The following PCDHA7 variants were observed in gnomAD, a reference collection of about 807,000 sequenced individuals.
PCDHA7 encodes the protein protocadherin alpha-7.
A neutral mutation model predicts 57.2 loss-of-function variants in PCDHA7; 37 were observed. That is an observed-to-expected ratio of 0.65 (90% CI 0.50 to 0.85). The LOEUF (loss-of-function observed/expected upper bound fraction) is 0.85, where lower values mean the gene tolerates loss of function less well. PCDHA7 is among the 40% of genes least tolerant of loss of function. PCDHA7 has a pLI of 0.00. For synonymous variants in PCDHA7, 553 were observed against 558.8 expected (o/e 0.99, Z 0.15); for missense variants, 1,188 against 1,241.8 (o/e 0.96, Z 0.65).
chr5:140,892,952 AT>A (rs1327610333), intron 1 of PCDHA7, among the ~76,000 whole-genome samples: 1 of 152,154 alleles, frequency 6.6e-6, no homozygotes, highest in African/African-American at 2.4e-5. Context: ...TACTACTTCC[AT>A]GAGCTCAATA....
chr5:140,864,851 A>G (rs1554159167), intron 1 of PCDHA7: 1 of 152,190 alleles, frequency 6.6e-6, no homozygotes, highest in Non-Finnish European at 1.5e-5. Context: ...CTTCCCATAC[A>G]TGATGAAGGG....
At chr5:140,968,189 T>C (rs181004208) in intron 1 of PCDHA7, 2 of 1,614,034 alleles carry the variant, frequency 1.2e-6, no homozygotes, top group Middle Eastern at 1.6e-4. Flanking sequence ...GGACTCCTAT[T>C]CCATCTACAT....
intron 1 of PCDHA7, among the ~76,000 whole-genome samples, chr5:140,946,079 G>A (rs2093884371): frequency 6.6e-6 from 1 of 151,926 alleles, no homozygotes; most frequent in African/African-American, 2.4e-5. Context: ...GCAAACCACA[G>A]ATCTGATAAG....
chr5:140,914,458 A>T (rs1294717004), intron 1 of PCDHA7, among the ~76,000 whole-genome samples: 2 of 152,004 alleles, frequency 1.3e-5, no homozygotes, highest in African/African-American at 4.8e-5. Flanking sequence ...TTTCCAGTCT[A>T]TGTGTATCTT....
intron 1 of PCDHA7, among the ~76,000 whole-genome samples, chr5:140,903,060 T>C (rs1412957275): frequency 6.6e-6 from 1 of 152,316 alleles, no homozygotes; most frequent in East Asian, 1.9e-4. Flanking sequence ...TGACTTCTTT[T>C]CCTTTGGGTA....
chr5:140,925,048 C>A (rs574148178), intron 1 of PCDHA7, among the ~76,000 whole-genome samples: 1 of 150,658 alleles, frequency 6.6e-6, no homozygotes, highest in South Asian at 2.1e-4. Flanking sequence ...AAGTTTGAGA[C>A]CAGACTGGGC....
chr5:140,849,881 G>T, intron 1 of PCDHA7: 1 of 1,598,596 alleles, frequency 6.3e-7, no homozygotes, highest in Non-Finnish European at 8.6e-7. Flanking sequence ...AGTACACGGT[G>T]TTCGTGAAGG....
chr5:140,945,829 A>G (rs1472344558), intron 1 of PCDHA7, among the ~76,000 whole-genome samples: 1 of 152,180 alleles, frequency 6.6e-6, no homozygotes, highest in Non-Finnish European at 1.5e-5. Flanking sequence ...ACAAAAGTCA[A>G]CTCAAAATGG....
At chr5:140,978,572 A>T (rs1322135580) in intron 1 of PCDHA7, among the ~76,000 whole-genome samples, 2 of 152,234 alleles carry the variant, frequency 1.3e-5, no homozygotes, top group Non-Finnish European at 2.9e-5. Flanking sequence ...GTAATACTGA[A>T]TTGGGAATGT....
chr5:140,876,623 A>G (rs2056465121), intron 1 of PCDHA7: 1 of 1,614,086 alleles, frequency 6.2e-7, no homozygotes, highest in East Asian at 2.2e-5. Context: ...GCCAATGGAC[A>G]GGTCATCTGC....
At chr5:140,843,759 A>T in intron 1 of PCDHA7, 1 of 1,499,994 alleles carries the variant, frequency 6.7e-7, no homozygotes. Flanking sequence ...TATTTGTGGA[A>T]ATTGTAGTTA....
intron 1 of PCDHA7, chr5:140,841,314 T>C (rs2150313381): frequency 7.6e-6 from 12 of 1,583,242 alleles, no homozygotes; most frequent in Non-Finnish European, 1.0e-5. Flanking sequence ...AGGAAACGAC[T>C]ATTTAACATG....
rs1582078645 is a variant in PCDHA7, at chr5:140,872,401, A to G, written c.2355+35663A>G. Among the ~76,000 whole-genome samples the G allele has an allele frequency of 2.0e-5, 3 of 152,246 alleles. No homozygotes were observed. In the East Asian group the frequency reaches 5.8e-4, roughly 29 times the overall value. ...CAGCTATTTGGGAGGCTGAGGCAGG[A>G]GAATTGCTTGAGCCCAAGAGTTCGA... On this transcript the variant is annotated intron_variant, in intron 1 of 3. Transcript: ENST00000525929.
chr5:140,836,754 T>C lies in PCDHA7; in HGVS notation c.2355+16T>C, dbSNP rs2150269259. 5 of 1,577,604 alleles carry C rather than the reference T, an allele frequency of 3.2e-6. 1 individual carries two copies. In the African/African-American group the frequency reaches 6.8e-5, roughly 22 times the overall value. On this transcript the variant is annotated intron_variant, in intron 1 of 3. Coordinates refer to ENST00000525929, the MANE Select transcript of PCDHA7 (RefSeq NM_018910.3). ...TACAGACAATGTGAGTCATAAATAA[T>C]CTTGTTTCCAACAATTTTAAAACAA...
At position 140,883,003 on chromosome 5, in the gene PCDHA7, C is replaced by G. The variant is rs781977743; in HGVS notation, c.2355+46265C>G. 3.1e-6 allele frequency: 5 copies of G among 1,613,932 alleles called. No homozygotes were observed. The African/African-American group carries it at 5.3e-5, about 17-fold the overall frequency. On this transcript the variant is annotated intron_variant, in intron 1 of 3. Coordinates refer to ENST00000525929, the MANE Select transcript of PCDHA7 (RefSeq NM_018910.3). ...ACAACGCCCCGGAATTTTACCAATC[C>G]GTTTATAAAGTGACGGTGTTAGAGA... is the stretch of plus-strand genomic sequence containing the variant.
chr5:140,869,233 T>G (rs782097851), intron 1 of PCDHA7: 7 of 1,613,700 alleles, frequency 4.3e-6, no homozygotes, highest in Non-Finnish European at 5.9e-6. Context: ...ACACGGCACC[T>G]TCGTGGGCCG....
chr5:140,877,592 T>G, intron 1 of PCDHA7: 1 of 1,613,812 alleles, frequency 6.2e-7, no homozygotes, highest in South Asian at 1.1e-5. Flanking sequence ...ATCTGTGCGG[T>G]GTCCAGCCTG....
intron 1 of PCDHA7, among the ~76,000 whole-genome samples, chr5:140,844,353 G>A (rs1249392344): frequency 6.7e-6 from 1 of 148,820 alleles, no homozygotes; most frequent in Admixed American, 6.7e-5. Context: ...AAATCAAGAG[G>A]GAAGAGATTT....
intron 1 of PCDHA7, among the ~76,000 whole-genome samples, chr5:140,946,434 T>C (rs1554217579): frequency 2.0e-5 from 3 of 151,312 alleles, no homozygotes; most frequent in South Asian, 2.1e-4. Context: ...TACTCAAAAA[T>C]TGAGACTAAA....
Sources: allele counts gnomAD v4.1 joint callset (sites outside exome capture counted in the v4.1 genomes callset), GRCh38; gene constraint gnomAD v4.1.1; transcripts MANE v1.5; gene names NCBI Gene and HGNC (gene_info 2026-07-23, HGNC 2026-07-21).